Variants in ASCC1 observed in about 807,000 individuals in gnomAD.
ASCC1 encodes the protein ASC-1 complex subunit P50.
ASCC1 carries 35 observed loss-of-function variants against 46.6 expected under a neutral mutation model. The observed-to-expected ratio is 0.75, with a 90% CI of 0.57 to 0.99. The LOEUF is 0.99. Ranked by LOEUF, ASCC1 falls within the 50% of genes least tolerant of loss-of-function variation. ASCC1 has a pLI of 0.00. For missense variants in ASCC1, 376 were observed against 428.7 expected, an observed-to-expected ratio of 0.88 and a Z score of 1.09; for synonymous variants, 143 against 146.6, an observed-to-expected ratio of 0.98 and a Z score of 0.18.
In ASCC1 at chr10:72,097,190, T is replaced by TA. The variant is rs1312085462; in HGVS notation, c.*143dup. On this transcript the variant is annotated 3_prime_UTR_variant, in exon 10 of 10. Coordinates refer to ENST00000672957, the MANE Select transcript of ASCC1 (RefSeq NM_001198800.3). ...GTAGTATGACGGGTGTAGACACCAT[T>TA]AGAGGCAATGGTGAATCTATGGGGA... The TA allele has an allele frequency of 6.7e-6, 5 of 743,690 alleles. No individual in the cohort carries two copies. Among genetic ancestry groups the TA allele is most frequent in the African/African-American group, 5.1e-5 (3 of 58,320 alleles). 46.1% of individuals were successfully genotyped at this position (743,690 alleles called of 1,614,324 possible).
At chr10:72,216,101 G>C (rs1182253445) in intron 1 of ASCC1, 106 bp downstream of exon 1, 1 of 152,420 alleles carries the variant, frequency 6.6e-6, no homozygotes, top group Non-Finnish European at 1.5e-5. Flanking sequence ...GCTGGTCCTG[G>C]GGGTGGGGCT....
chr10:72,105,335 G>A (rs139564805), intron 9 of ASCC1, among the ~76,000 whole-genome samples: 21 of 152,262 alleles, frequency 1.4e-4, no homozygotes, highest in African/African-American at 4.3e-4. Flanking sequence ...ACACTGCCAC[G>A]GGGCCCACAC....
At chr10:72,202,849 C>A (rs1236899665) in intron 4 of ASCC1, among the ~76,000 whole-genome samples, 3 of 152,192 alleles carry the variant, frequency 2.0e-5, no homozygotes, top group African/African-American at 7.2e-5. Context: ...GAAAAGAAAT[C>A]TCCTAATACA....
intron 9 of ASCC1, among the ~76,000 whole-genome samples, chr10:72,112,092 T>A (rs1287546970): frequency 6.6e-6 from 1 of 152,196 alleles, no homozygotes; most frequent in Non-Finnish European, 1.5e-5. Context: ...ACGGTTTTAT[T>A]TGGTCTGGTC....
intron 6 of ASCC1, among the ~76,000 whole-genome samples, chr10:72,156,899 T>C (rs1029470359): frequency 4.6e-5 from 7 of 152,166 alleles, no homozygotes; most frequent in African/African-American, 1.4e-4. Context: ...GGAATCCTAG[T>C]AGTAAAGATT....
At chr10:72,112,840 T>G (rs1843068917) in intron 9 of ASCC1, among the ~76,000 whole-genome samples, 1 of 129,740 alleles carries the variant, frequency 7.7e-6, no homozygotes, top group Non-Finnish European at 1.5e-5. Context: ...GATCCTCCAC[T>G]GCACCCCAGC....
chr10:72,100,021 T>C (rs375397850), intron 9 of ASCC1, among the ~76,000 whole-genome samples: 1 of 152,322 alleles, frequency 6.6e-6, no homozygotes, highest in African/African-American at 2.4e-5. Context: ...CACCCTTGTA[T>C]TTATTTTACC....
chr10:72,125,482 C>T (rs1330924010), intron 9 of ASCC1, among the ~76,000 whole-genome samples: 1 of 152,004 alleles, frequency 6.6e-6, no homozygotes, highest in Admixed American at 6.6e-5. Context: ...TTTTCTAAAT[C>T]CTGTTTTTAT....
intron 9 of ASCC1, among the ~76,000 whole-genome samples, chr10:72,117,555 A>G (rs117506191): frequency 6.6e-6 from 1 of 152,280 alleles, no homozygotes; most frequent in Non-Finnish European, 1.5e-5. Flanking sequence ...TCTTTCTTCC[A>G]GTCTTTGATT....
At chr10:72,211,507 T>C (rs1056403488) in intron 2 of ASCC1, among the ~76,000 whole-genome samples, 2 of 152,076 alleles carry the variant, frequency 1.3e-5, no homozygotes, top group African/African-American at 2.4e-5. Flanking sequence ...GGAGAATCAT[T>C]TGAGCCCGGG....
intron 5 of ASCC1, chr10:72,190,654 G>C: frequency 1.4e-6 from 1 of 729,116 alleles, no homozygotes; most frequent in Middle Eastern, 4.0e-4. Flanking sequence ...TTATTTGTCT[G>C]TTAAAGCTAG....
intron 5 of ASCC1, among the ~76,000 whole-genome samples, chr10:72,196,574 G>A (rs905530817): frequency 2.6e-5 from 4 of 151,966 alleles, no homozygotes; most frequent in Non-Finnish European, 5.9e-5. Context: ...GAGCCACTGC[G>A]CCTGGCCCGA....
intron 5 of ASCC1, among the ~76,000 whole-genome samples, chr10:72,179,398 A>T (rs747493010): frequency 5.9e-5 from 9 of 152,228 alleles, no homozygotes; most frequent in Non-Finnish European, 1.2e-4. Context: ...AGATTGGTAT[A>T]GTTGGTTAGC....
chr10:72,134,053 G>A (rs924004875), intron 7 of ASCC1: 2 of 152,224 alleles, frequency 1.3e-5, no homozygotes, highest in Non-Finnish European at 2.9e-5. Flanking sequence ...GGCTGAGGCA[G>A]GCTGATCACT....
At chr10:72,104,814 C>T (rs918047225) in intron 9 of ASCC1, among the ~76,000 whole-genome samples, 14 of 152,100 alleles carry the variant, frequency 9.2e-5, no homozygotes, top group East Asian at 1.9e-4. Context: ...AACTGCCAAT[C>T]GCTGTGATAT....
chr10:72,171,967 C>G (rs1851146990), intron 5 of ASCC1, among the ~76,000 whole-genome samples: 2 of 152,198 alleles, frequency 1.3e-5, no homozygotes, highest in Non-Finnish European at 2.9e-5. Flanking sequence ...AGTGGTTACC[C>G]TTCAGGGGAA....
chr10:72,190,394 A>T (rs1589544458), intron 5 of ASCC1: 1 of 1,593,064 alleles, frequency 6.3e-7, no homozygotes, highest in East Asian at 2.2e-5. Flanking sequence ...TATCAGAAGA[A>T]ATCCTGACAC....
At chr10:72,210,384 T>G (rs1297726387) in intron 3 of ASCC1, among the ~76,000 whole-genome samples, 1 of 152,104 alleles carries the variant, frequency 6.6e-6, no homozygotes, top group Non-Finnish European at 1.5e-5. Flanking sequence ...GGTCTTGAAC[T>G]TCTGACTTCA....
At chr10:72,146,425 AAAAC>A (rs1372246771) in intron 7 of ASCC1, among the ~76,000 whole-genome samples, 1 of 152,238 alleles carries the variant, frequency 6.6e-6, no homozygotes, top group Non-Finnish European at 1.5e-5. Flanking sequence ...CGTTTTCAGA[AAAAC>A]AAGGAAATTG....
Sources: allele counts gnomAD v4.1 joint callset (sites outside exome capture counted in the v4.1 genomes callset), GRCh38; gene constraint gnomAD v4.1.1; transcripts MANE v1.5; gene names NCBI Gene and HGNC (gene_info 2026-07-23, HGNC 2026-07-21).